MALT1: variants seen among roughly 807,000 people sequenced by gnomAD.
The protein encoded by MALT1 is MALT1 paracaspase.
MALT1 carries 36 observed loss-of-function variants against 85.5 expected under a neutral mutation model. That is an observed-to-expected ratio of 0.42 (90% CI 0.32 to 0.56). MALT1 has a LOEUF of 0.56. Ranked by LOEUF, MALT1 falls within the 20% of genes least tolerant of loss-of-function variation. The probability of loss-of-function intolerance (pLI) is 0.10; values close to 1 mark genes in which losing one functional copy is unlikely to be tolerated. For missense variants in MALT1, 716 were observed against 981.6 expected (o/e 0.73, Z 3.62); for synonymous variants, 359 against 361.3 (o/e 0.99, Z 0.07).
chr18:58,727,076 T>G (rs1246188154), intron 10 of MALT1, among the ~76,000 whole-genome samples: 1 of 152,260 alleles, frequency 6.6e-6, no homozygotes, highest in Non-Finnish European at 1.5e-5. Flanking sequence ...TAATTATCCC[T>G]GTGCCTGGCA....
chr18:58,722,514 C>G (rs1602322454), intron 9 of MALT1, among the ~76,000 whole-genome samples: 1 of 152,298 alleles, frequency 6.6e-6, no homozygotes, highest in African/African-American at 2.4e-5. Context: ...ATCCACATGG[C>G]TACTGCAGAA....
chr18:58,744,519 A>G (rs1344482672), intron 15 of MALT1, 24 bp downstream of exon 15: 1 of 1,529,160 alleles, frequency 6.5e-7, no homozygotes, highest in Non-Finnish European at 8.9e-7. Context: ...TTTATTTAAA[A>G]TACAGTGATA....
rs755310511 is a variant in MALT1 at position 58,747,552 on chromosome 18, A to G, written c.2185A>G (p.Thr729Ala). The change falls in exon 17 of 17, where the codon ACT becomes GCT. Residue 729 changes from threonine (T) to alanine (A), a missense_variant. Physicochemically the swap from Thr to Ala is moderately conservative, Grantham distance 58 (BLOSUM62 0). This residue lies in a region of MALT1 where 260 missense variants were observed against 323.7 expected (regional missense o/e 0.80). Transcript: ENST00000649217. The part of the protein sequence containing the change: ...RGLGRKTCFQ[T>A]CLMSNGPYQS... ...TTTGGGAAGGAAGACTTGCTTTCAAACTTGTCTTATGTCTAATGGTCCTTA... is the reference window on the plus strand; with the variant it reads ...TTTGGGAAGGAAGACTTGCTTTCAAGCTTGTCTTATGTCTAATGGTCCTTA... 1.9e-6 allele frequency: 3 copies of G among 1,614,152 alleles called. No homozygotes were observed. The highest frequency in any genetic ancestry group is 1.1e-5 in the South Asian group (1 of 91,074).
chr18:58,676,535 A>G (rs1383099170), intron 1 of MALT1, among the ~76,000 whole-genome samples: 4 of 152,142 alleles, frequency 2.6e-5, no homozygotes, highest in Non-Finnish European at 5.9e-5. Flanking sequence ...CTGCCTACTC[A>G]GGCTGAGATG....
At chr18:58,676,186 A>G (rs925657689) in intron 1 of MALT1, among the ~76,000 whole-genome samples, 1 of 152,150 alleles carries the variant, frequency 6.6e-6, no homozygotes, top group Admixed American at 6.5e-5. Context: ...AGCAGTAAGA[A>G]TTATTCTTTT....
At chr18:58,696,514 T>A (rs1385712152) in intron 3 of MALT1, 27 bp downstream of exon 3, 3 of 1,498,416 alleles carry the variant, frequency 2.0e-6, no homozygotes, top group East Asian at 4.6e-5. Flanking sequence ...ATCTTTTAAT[T>A]CTTCCAAGGA....
Position 58,706,130 on chromosome 18 carries a change from C to T in MALT1, c.650-3248C>T, listed in dbSNP as rs1295285102. ...GCTCCCGAGTAGGTGGGACTACAGG[C>T]GCCCGCCACCACGCCTGGCTAATTT... On this transcript the variant is annotated intron_variant, in intron 4 of 16. Transcript: ENST00000649217. 3.3e-5 allele frequency among the ~76,000 whole-genome samples: 5 copies of T among 152,102 alleles called. No homozygotes were observed. In the East Asian group the frequency reaches 5.8e-4, roughly 18 times the overall value.
chr18:58,725,254 A>G (rs2055037898), intron 10 of MALT1, among the ~76,000 whole-genome samples: 1 of 152,164 alleles, frequency 6.6e-6, no homozygotes, highest in African/African-American at 2.4e-5. Context: ...CCCAGGAGGC[A>G]GAGGTTGCAG....
intron 3 of MALT1, among the ~76,000 whole-genome samples, chr18:58,699,003 T>G (rs543920906): frequency 7.2e-5 from 11 of 152,324 alleles, no homozygotes; most frequent in African/African-American, 2.6e-4. Context: ...CCCAGAACTT[T>G]CTGTTTTGGG....
chr18:58,706,226 G>A lies in MALT1; in HGVS notation c.650-3152G>A, dbSNP rs577736168. ...CGCTGGAGTGCAGTGGCGTGATCTCGGCTCACTGAAACCTCTGCCGCCCAG... is the reference window on the plus strand; with the variant it reads ...CGCTGGAGTGCAGTGGCGTGATCTCAGCTCACTGAAACCTCTGCCGCCCAG... On this transcript the variant is annotated intron_variant, in intron 4 of 16. Transcript: ENST00000649217. Among the ~76,000 whole-genome samples the A allele has an allele frequency of 9.2e-5, 14 of 152,164 alleles. No homozygotes were observed. In the South Asian group the frequency reaches 2.5e-3, roughly 27 times the overall value.
chr18:58,731,175 A>G (rs1218183664), intron 10 of MALT1, among the ~76,000 whole-genome samples: 1 of 150,830 alleles, frequency 6.6e-6, no homozygotes, highest in Non-Finnish European at 1.5e-5. Context: ...CTGGTCTTGA[A>G]CTCCTGACCT....
chr18:58,681,416 A>G, intron 2 of MALT1, 80 bp downstream of exon 2: 2 of 1,361,932 alleles, frequency 1.5e-6, no homozygotes, highest in Non-Finnish European at 2.0e-6. Context: ...GACCAGGTGA[A>G]CTGTGTTAAG....
chr18:58,719,320 T>C (rs1171693245), intron 9 of MALT1, among the ~76,000 whole-genome samples: 3 of 145,954 alleles, frequency 2.1e-5, no homozygotes, highest in South Asian at 2.2e-4. Flanking sequence ...TCCCTCCCTC[T>C]CTCTCTCTCT....
In MALT1 at chr18:58,754,418, T is replaced by C. The variant is rs976299880; in HGVS notation, c.*6576T>C. The C allele has an allele frequency of 3.9e-5, 6 of 152,252 alleles. No individual in the cohort carries two copies. Among genetic ancestry groups the C allele is most frequent in the Non-Finnish European group, 5.9e-5 (4 of 68,042 alleles). 9.4% of individuals were successfully genotyped at this position (152,252 alleles called of 1,614,324 possible). A position where few individuals can be genotyped will look rare whatever the true frequency, so the allele number is the denominator to read the frequency against. On this transcript the variant is annotated 3_prime_UTR_variant, in exon 17 of 17. Coordinates refer to ENST00000649217, the MANE Select transcript of MALT1 (RefSeq NM_006785.4). Reference sequence around the variant, plus strand: ...CTACATTATGCTCAATACAGCAGGCTGTTCTGCTAGGGAAATTGTTAATAT... The same window carrying C: ...CTACATTATGCTCAATACAGCAGGCCGTTCTGCTAGGGAAATTGTTAATAT...
At chr18:58,678,957 G>A (rs1209252828) in intron 1 of MALT1, among the ~76,000 whole-genome samples, 1 of 152,300 alleles carries the variant, frequency 6.6e-6, no homozygotes, top group East Asian at 1.9e-4. Context: ...GATGGATGAG[G>A]TGTGAATTCT....
chr18:58,718,865 C>G (rs764675919), intron 9 of MALT1, among the ~76,000 whole-genome samples: 28 of 151,960 alleles, frequency 1.8e-4, no homozygotes, highest in Non-Finnish European at 3.2e-4. Flanking sequence ...TGAGGATTTT[C>G]AAGGACGAAT....
intron 13 of MALT1, among the ~76,000 whole-genome samples, chr18:58,740,813 A>G (rs976871382): frequency 6.6e-6 from 1 of 152,084 alleles, no homozygotes; most frequent in Non-Finnish European, 1.5e-5. Context: ...TCAGTTCTAT[A>G]TTTCTGCTGA....
chr18:58,703,276 G>A (rs2054700028), intron 4 of MALT1, among the ~76,000 whole-genome samples: 1 of 152,050 alleles, frequency 6.6e-6, no homozygotes, highest in African/African-American at 2.4e-5. Context: ...AGAATCGCTT[G>A]AACCCAGGGG....
chr18:58,696,664 TC>T lies in MALT1; in HGVS notation c.498+178del, dbSNP rs879192650. On this transcript the variant is annotated intron_variant, in intron 3 of 16. Transcript: ENST00000649217. ...TTTTGGTAAGACAGTTCCAGAATTG[TC>T]TCATGAAAACATTGTAAACAATAAT... is the stretch of plus-strand genomic sequence containing the variant. 2.6e-5 allele frequency among the ~76,000 whole-genome samples: 4 copies of T among 152,306 alleles called. No individual in the cohort carries two copies. The South Asian group carries it at 8.3e-4, about 32-fold the overall frequency.
Sources: gnomAD v4.1 joint callset for allele counts (sites outside exome capture counted in the v4.1 genomes callset) on GRCh38, gnomAD v4.1.1 for gene constraint, gnomAD v4.1.1 regional missense constraint, MANE v1.5 for transcripts, NCBI Gene and HGNC (gene_info 2026-07-23, HGNC 2026-07-21) for gene names.